Variants in TM7SF3 observed in about 807,000 individuals in gnomAD.
The protein encoded by TM7SF3 is seven span transmembrane protein.
TM7SF3 carries 60 observed loss-of-function variants against 65.5 expected under a neutral mutation model. That is an observed-to-expected ratio of 0.92 (90% CI 0.74 to 1.14). The LOEUF (loss-of-function observed/expected upper bound fraction) is 1.14. Ranked by LOEUF, TM7SF3 falls within the 50% of genes most tolerant of loss-of-function variation. The pLI, the probability that TM7SF3 is intolerant of heterozygous loss-of-function variation, is 0.00. For synonymous variants in TM7SF3, 264 were observed against 259.6 expected (o/e 1.02, Z -0.16); for missense variants, 623 against 684.8 (o/e 0.91, Z 1.01).
chr12:26,987,177 C>T (rs1181328291), intron 6 of TM7SF3, among the ~76,000 whole-genome samples: 1 of 152,184 alleles, frequency 6.6e-6, no homozygotes, highest in Non-Finnish European at 1.5e-5. Context: ...CTGAAGATTT[C>T]CAAGATGCTC....
intron 6 of TM7SF3, among the ~76,000 whole-genome samples, chr12:26,987,942 A>G (rs576892554): frequency 6.6e-6 from 1 of 152,312 alleles, no homozygotes; most frequent in East Asian, 1.9e-4. Context: ...ATTCCTGCCA[A>G]AAAAGCATAA....
intron 6 of TM7SF3, among the ~76,000 whole-genome samples, chr12:26,988,869 C>G (rs1940220146): frequency 6.6e-6 from 1 of 152,060 alleles, no homozygotes; most frequent in African/African-American, 2.4e-5. Context: ...CAACAACAAC[C>G]CCTCCTCTTC....
At position 27,005,405 on chromosome 12, in the gene TM7SF3, C is replaced by A. The variant is rs192412655; in HGVS notation, c.92-2015G>T. Among the ~76,000 whole-genome samples, 7 of 152,298 alleles carry A rather than the reference C, an allele frequency of 4.6e-5. No individual in the cohort carries two copies. The East Asian group carries it at 1.3e-3, about 29-fold the overall frequency. On this transcript the variant is annotated intron_variant, in intron 1 of 11. Coordinates refer to ENST00000343028, the MANE Select transcript of TM7SF3 (RefSeq NM_016551.3). ...TTGGGCACCATGATCAAAACTGACA[C>A]AAACAAATTCATAAAGGTTATCCAA...
At chr12:26,998,529 T>C (rs1411565017) in intron 3 of TM7SF3, among the ~76,000 whole-genome samples, 1 of 152,204 alleles carries the variant, frequency 6.6e-6, no homozygotes, top group African/African-American at 2.4e-5. Flanking sequence ...ACACCTATTT[T>C]GTATCACTAT....
chr12:27,008,333 T>C (rs1941118524), intron 1 of TM7SF3, among the ~76,000 whole-genome samples: 1 of 152,178 alleles, frequency 6.6e-6, no homozygotes, highest in South Asian at 2.1e-4. Flanking sequence ...TATTTGGATA[T>C]CCTCTTTGTG....
intron 5 of TM7SF3, among the ~76,000 whole-genome samples, chr12:26,992,257 G>A (rs1384706455): frequency 6.6e-6 from 1 of 151,932 alleles, no homozygotes; most frequent in Non-Finnish European, 1.5e-5. Context: ...TAACACAAAG[G>A]CTATTTTATT....
chr12:26,986,864 C>G (rs964302899), intron 6 of TM7SF3, among the ~76,000 whole-genome samples: 1 of 152,186 alleles, frequency 6.6e-6, no homozygotes, highest in Non-Finnish European at 1.5e-5. Flanking sequence ...TCTTTCTTAG[C>G]TGACCTATCA....
rs1356168639 is a variant in TM7SF3, at chr12:26,972,347, T to C, written c.*1618A>G. 1.3e-5 allele frequency: 2 copies of C among 152,168 alleles called. No homozygotes were observed. Among genetic ancestry groups the C allele is most frequent in the Non-Finnish European group, 2.9e-5 (2 of 68,030 alleles). 9.4% of individuals were successfully genotyped at this position (152,168 alleles called of 1,614,324 possible). A position where few individuals can be genotyped will look rare whatever the true frequency, so the allele number is the denominator to read the frequency against. Reference sequence around the variant, plus strand: ...TAAAAACTATATTTTACACTAATGCTAACAGCTAATTGAGCAGAAAGAACT... The same window carrying C: ...TAAAAACTATATTTTACACTAATGCCAACAGCTAATTGAGCAGAAAGAACT... On this transcript the variant is annotated 3_prime_UTR_variant, in exon 12 of 12. Coordinates refer to ENST00000343028, the MANE Select transcript of TM7SF3 (RefSeq NM_016551.3).
chr12:26,998,721 C>T (rs1347463929), intron 3 of TM7SF3, among the ~76,000 whole-genome samples: 2 of 152,116 alleles, frequency 1.3e-5, no homozygotes, highest in East Asian at 1.9e-4. Context: ...GACTCTGCTG[C>T]GCCCTCTCCA....
At chr12:26,980,991 A>G (rs1939790451) in intron 7 of TM7SF3, among the ~76,000 whole-genome samples, 1 of 152,234 alleles carries the variant, frequency 6.6e-6, no homozygotes, top group African/African-American at 2.4e-5. Context: ...GCACTTTGTC[A>G]CGTGTATGTG....
intron 3 of TM7SF3, among the ~76,000 whole-genome samples, chr12:26,998,908 C>T (rs1309672394): frequency 6.6e-6 from 1 of 152,168 alleles, no homozygotes; most frequent in African/African-American, 2.4e-5. Flanking sequence ...ACGTGCCATT[C>T]TCCAAATCAT....
rs1311025742 is a variant in TM7SF3, at chr12:26,974,139, A to G, written c.1539T>C (p.Pro513=). ...IRRERGRPFF[P]PHPYKLWKQE... ...GCTTCCATAACTTGTATGGGTGGGG[A>G]GGGAAGAACGGTCGTCCTCTCTCTC... is the stretch of plus-strand genomic sequence containing the variant. Residue 513 remains proline (P), a synonymous_variant, in exon 12 of 12, where the codon CCT becomes CCC. Transcript: ENST00000343028. 6.2e-7 allele frequency: 1 copy of G among 1,614,140 alleles called. No homozygotes were observed. The highest frequency in any genetic ancestry group is 8.5e-7 in the Non-Finnish European group (1 of 1,180,020).
intron 5 of TM7SF3, among the ~76,000 whole-genome samples, chr12:26,992,905 CTTTTTTTTTTTT>C (rs1202323508): frequency 9.1e-6 from 1 of 110,008 alleles, no homozygotes; most frequent in African/African-American, 3.5e-5. Flanking sequence ...TCCCTAATGT[CTTTTTTTTTTTT>C]TTTTTTTTTT....
chr12:26,978,171 T>C (rs1939655084), intron 9 of TM7SF3: 4 of 348,002 alleles, frequency 1.1e-5, no homozygotes, highest in East Asian at 9.1e-5. Context: ...AGCTATGAGA[T>C]AGTTCATAAA....
At chr12:27,012,816 G>A (rs1941296131) in intron 1 of TM7SF3, 1 of 430,082 alleles carries the variant, frequency 2.3e-6, no homozygotes, top group Admixed American at 2.6e-5. Context: ...TGAACAACAT[G>A]GTGAAACCCC....
intron 6 of TM7SF3, among the ~76,000 whole-genome samples, chr12:26,988,015 A>C (rs901192405): frequency 1.3e-4 from 20 of 152,178 alleles, no homozygotes; most frequent in Admixed American, 4.6e-4. Context: ...AAAAAAAATA[A>C]ATATTCTGTA....
intron 7 of TM7SF3, among the ~76,000 whole-genome samples, chr12:26,981,801 T>C (rs1163634662): frequency 1.3e-5 from 2 of 152,228 alleles, no homozygotes; most frequent in East Asian, 1.9e-4. Flanking sequence ...ACATCACTTA[T>C]ATAAAAAGCA....
At chr12:26,991,100 C>A (rs1252288547) in intron 5 of TM7SF3, among the ~76,000 whole-genome samples, 1 of 147,180 alleles carries the variant, frequency 6.8e-6, no homozygotes, top group Admixed American at 6.8e-5. Context: ...GTCTCTGAAA[C>A]AAGAAAATAT....
At chr12:26,992,486 C>G (rs950811236) in intron 5 of TM7SF3, among the ~76,000 whole-genome samples, 26 of 152,066 alleles carry the variant, frequency 1.7e-4, no homozygotes, top group African/African-American at 5.3e-4. Flanking sequence ...GGGTTTCACC[C>G]TGTTAGCCAG....
Sources: allele counts gnomAD v4.1 joint callset (sites outside exome capture counted in the v4.1 genomes callset), GRCh38; gene constraint gnomAD v4.1.1; transcripts MANE v1.5; gene names NCBI Gene and HGNC (gene_info 2026-07-23, HGNC 2026-07-21).